HEATR5A: variants seen among roughly 807,000 people sequenced by gnomAD.
The protein encoded by HEATR5A is HEAT repeat containing 5A, also known as HEAT repeat-containing protein 5A.
A neutral mutation model predicts 218.8 loss-of-function variants in HEATR5A; 178 were observed. The ratio of observed to expected loss-of-function variants is 0.81; its 90% CI spans 0.72 to 0.92. HEATR5A has a LOEUF of 0.92. Ranked by LOEUF, HEATR5A falls within the 40% of genes least tolerant of loss-of-function variation. The pLI is 0.00. For synonymous variants in HEATR5A, 864 were observed against 871.6 expected, an observed-to-expected ratio of 0.99 and a Z score of 0.15; for missense variants, 2,420 against 2,418.9, an observed-to-expected ratio of 1.00 and a Z score of -0.01.
chr14:31,406,037 T>G (rs1462163187), intron 1 of HEATR5A, among the ~76,000 whole-genome samples: 2 of 152,188 alleles, frequency 1.3e-5, no homozygotes, highest in African/African-American at 4.8e-5. Flanking sequence ...ACCTGAGAGC[T>G]CCACATTCGC....
rs1899452374 is a variant in HEATR5A at position 31,303,409 on chromosome 14, GGT to G, written c.5240-892_5240-891del. Among the ~76,000 whole-genome samples the G allele has an allele frequency of 3.3e-5, 5 of 152,080 alleles. No homozygotes were observed. In the South Asian group the frequency reaches 1.0e-3, roughly 32 times the overall value. On this transcript the variant is annotated intron_variant, in intron 32 of 35. Transcript: ENST00000543095. ...GATCGCGCCACTGCACTGCAGCCTG[GGT>G]GACACAGTAAGACTCCATTTCAAAA...
In HEATR5A at chr14:31,337,460, T is replaced by A. The variant is rs1221888814; in HGVS notation, c.3367+16A>T. 1 of 1,543,986 alleles carries A rather than the reference T, an allele frequency of 6.5e-7. No individual in the cohort carries two copies. The highest frequency in any genetic ancestry group is 1.4e-5 in the African/African-American group (1 of 72,816). On this transcript the variant is annotated intron_variant, in intron 22 of 35. Coordinates refer to ENST00000543095, the MANE Select transcript of HEATR5A (RefSeq NM_015473.4). ...TAATCATTTGAGCTGGACATAATCTTGATCAAGAGAATTACCTGGAGTCAA... is the reference window on the plus strand; with the variant it reads ...TAATCATTTGAGCTGGACATAATCTAGATCAAGAGAATTACCTGGAGTCAA...
At chr14:31,395,567 T>C (rs2030622986) in intron 4 of HEATR5A, among the ~76,000 whole-genome samples, 1 of 152,174 alleles carries the variant, frequency 6.6e-6, no homozygotes, top group South Asian at 2.1e-4. Flanking sequence ...TTTCACAGGG[T>C]TGATGTGAAG....
intron 13 of HEATR5A, among the ~76,000 whole-genome samples, chr14:31,369,811 C>T (rs938435731): frequency 6.6e-6 from 1 of 151,508 alleles, no homozygotes; most frequent in Non-Finnish European, 1.5e-5. Flanking sequence ...GCCTGTAATC[C>T]CAGCTACTCA....
At chr14:31,313,220 A>AT in intron 27 of HEATR5A, 30 bp from the exon 28 acceptor site, 1 of 1,515,402 alleles carries the variant, frequency 6.6e-7, no homozygotes, top group Non-Finnish European at 9.1e-7. Flanking sequence ...AAACAGGAAA[A>AT]TCTTTTATCT....
intron 1 of HEATR5A, among the ~76,000 whole-genome samples, chr14:31,412,303 A>G (rs2031301501): frequency 6.6e-6 from 1 of 152,184 alleles, no homozygotes; most frequent in Non-Finnish European, 1.5e-5. Context: ...AAAGATGTAA[A>G]TAAAGAAAAA....
chr14:31,306,698 T>G, intron 31 of HEATR5A, 34 bp downstream of exon 31: 5 of 1,574,456 alleles, frequency 3.2e-6, no homozygotes, highest in Non-Finnish European at 4.3e-6. Context: ...AATGATGCTA[T>G]TTGATCAACT....
At chr14:31,390,164 G>C (rs2030394084) in intron 6 of HEATR5A, among the ~76,000 whole-genome samples, 1 of 152,174 alleles carries the variant, frequency 6.6e-6, no homozygotes, top group Admixed American at 6.5e-5. Flanking sequence ...TTTACACAGA[G>C]CAATGGGGAT....
At chr14:31,295,361 T>G (rs947514790) in intron 34 of HEATR5A, 1 of 152,182 alleles carries the variant, frequency 6.6e-6, no homozygotes, top group African/African-American at 2.4e-5. Context: ...TCCTCCTGCC[T>G]CAGTCCCCCA....
chr14:31,331,414 CT>C, intron 22 of HEATR5A, among the ~76,000 whole-genome samples: 1 of 152,320 alleles, frequency 6.6e-6, no homozygotes, highest in Non-Finnish European at 1.5e-5. Context: ...ACCATCTCAC[CT>C]TGGGCTTCAT....
intron 6 of HEATR5A, among the ~76,000 whole-genome samples, chr14:31,393,136 T>TA (rs1566780375): frequency 1.3e-5 from 2 of 151,876 alleles, no homozygotes; most frequent in African/African-American, 4.8e-5. Flanking sequence ...CATGCTGCTT[T>TA]AAAAAAAAGA....
At chr14:31,363,916 G>A (rs1306366999) in intron 14 of HEATR5A, among the ~76,000 whole-genome samples, 3 of 152,136 alleles carry the variant, frequency 2.0e-5, no homozygotes, top group Non-Finnish European at 4.4e-5. Context: ...AGGCTGAAGT[G>A]AGCCATGATT....
chr14:31,365,602 C>T (rs1464986214), intron 13 of HEATR5A, among the ~76,000 whole-genome samples: 2 of 151,864 alleles, frequency 1.3e-5, no homozygotes, highest in South Asian at 2.1e-4. Context: ...CCTCGTGATG[C>T]ACCCACCTCG....
intron 13 of HEATR5A, among the ~76,000 whole-genome samples, chr14:31,368,300 GGT>G (rs1327557127): frequency 6.6e-6 from 1 of 152,046 alleles, no homozygotes; most frequent in Non-Finnish European, 1.5e-5. Flanking sequence ...CCAATCTGCT[GGT>G]GTCTTGATCT....
chr14:31,305,173 A>G lies in HEATR5A; in HGVS notation c.4971T>C (p.Asp1657=), dbSNP rs745910502. Residue 1657 remains aspartate, a synonymous_variant, in exon 32 of 36, where the codon GAT becomes GAC. Transcript: ENST00000543095. ...GAGTTTCCTTTTCAGCAGCCCCATC[A>G]TCAACTAAAAGAAAGAATAGTGTTT... ...VKEKRRSAEV[D]DGAAEKETLP... 3 of 1,612,874 alleles carry G rather than the reference A, an allele frequency of 1.9e-6. No individual in the cohort carries two copies. The highest frequency in any genetic ancestry group is 1.7e-6 in the Non-Finnish European group (2 of 1,179,674).
chr14:31,326,935 GA>G (rs1182779220), intron 22 of HEATR5A, among the ~76,000 whole-genome samples: 1 of 151,334 alleles, frequency 6.6e-6, no homozygotes, highest in East Asian at 1.9e-4. Flanking sequence ...GTGAGCCACT[GA>G]ACCCAGCTCA....
chr14:31,337,852 C>T (rs1900717726), intron 21 of HEATR5A, among the ~76,000 whole-genome samples: 1 of 151,996 alleles, frequency 6.6e-6, no homozygotes, highest in African/African-American at 2.4e-5. Context: ...ATAAATCTAA[C>T]AAAAGTCTTT....
chr14:31,397,277 T>C (rs2030690105), intron 4 of HEATR5A, among the ~76,000 whole-genome samples: 1 of 152,334 alleles, frequency 6.6e-6, no homozygotes, highest in Non-Finnish European at 1.5e-5. Flanking sequence ...TCAGGGCTGT[T>C]CTCTAGATTA....
At chr14:31,416,215 T>A (rs543566369) in intron 1 of HEATR5A, among the ~76,000 whole-genome samples, 62 of 152,172 alleles carry the variant, frequency 4.1e-4, no homozygotes, top group Non-Finnish European at 7.4e-4. Context: ...CCTCTCGAGT[T>A]TAAGCAATTA....
Sources: gnomAD v4.1 joint callset for allele counts (sites outside exome capture counted in the v4.1 genomes callset) on GRCh38, gnomAD v4.1.1 for gene constraint, MANE v1.5 for transcripts, NCBI Gene and HGNC (gene_info 2026-07-23, HGNC 2026-07-21) for gene names.